The following SNX18 variants were observed in gnomAD, a reference collection of about 807,000 sequenced individuals.
SNX18 encodes sorting nexin 18, also known as sorting nexin-18.
Under a neutral mutation model 48.7 loss-of-function variants are expected in SNX18, and 35 were observed. That is an observed-to-expected ratio of 0.72 (90% CI 0.55 to 0.95). The LOEUF (loss-of-function observed/expected upper bound fraction) is 0.95. Among genes scored for constraint, SNX18 ranks in the 40% least tolerant of loss-of-function variants. The pLI is 0.00. For missense variants in SNX18, 824 were observed against 871.0 expected, an observed-to-expected ratio of 0.95 and a Z score of 0.68; for synonymous variants, 492 against 384.7, an observed-to-expected ratio of 1.28 and a Z score of -3.26.
At chr5:54,569,138 C>CA in the SNX18 span, among the ~76,000 whole-genome samples, 1 of 151,610 alleles carries the variant, frequency 6.6e-6, no homozygotes, top group African/African-American at 2.4e-5. Flanking sequence ...CCACCGCGCC[C>CA]AACCACATTT....
At chr5:54,566,665 T>C in the SNX18 span, among the ~76,000 whole-genome samples, 1,092 of 152,350 alleles carry the variant, frequency 7.2e-3, 6 homozygotes, top group Admixed American at 0.011. Context: ...TTCATGTATA[T>C]GTGCATTGTT....
chr5:54,581,285 A>G, the SNX18 span, among the ~76,000 whole-genome samples: 2 of 152,196 alleles, frequency 1.3e-5, no homozygotes, highest in Non-Finnish European at 2.9e-5. Context: ...ATGTGGTTCC[A>G]CTGTGTGGGA....
Position 54,519,407 on chromosome 5 carries a change from C to T in SNX18, c.1455C>T (p.Phe485=). The change falls in exon 1 of 2, where the codon TTC becomes TTT. Residue 485 remains phenylalanine, a synonymous_variant. Coordinates refer to ENST00000381410, the MANE Select transcript of SNX18 (RefSeq NM_001102575.2). The part of the protein sequence containing the change: ...SQAFELDQQA[F]SVGLNQAIAF... Reference sequence around the variant, plus strand: ...CCTTTGAGCTGGACCAGCAGGCCTTCTCGGTGGGCCTGAACCAGGCTATCG... The same window carrying T: ...CCTTTGAGCTGGACCAGCAGGCCTTTTCGGTGGGCCTGAACCAGGCTATCG... The T allele has an allele frequency of 3.7e-6, 6 of 1,613,652 alleles. No individual in the cohort carries two copies. The highest frequency in any genetic ancestry group is 5.1e-6 in the Non-Finnish European group (6 of 1,179,944).
At position 54,519,489 on chromosome 5, in the gene SNX18, C is replaced by G; in HGVS notation, c.1537C>G (p.Gln513Glu). 1 of 1,614,226 alleles carries G rather than the reference C, an allele frequency of 6.2e-7. No homozygotes were observed. Among genetic ancestry groups the G allele is most frequent in the Non-Finnish European group, 8.5e-7 (1 of 1,180,036 alleles). ...IGELFAEQPR[Q>E]DLDPVMDLLA... ...CGAGCTCTTCGCGGAGCAGCCCAGG[C>G]AGGACCTGGATCCCGTCATGGACCT... Residue 513 changes from glutamine to glutamate, a missense_variant, in exon 1 of 2, where the codon CAG becomes GAG. Gln to Glu is a conservative substitution (Grantham distance 29). Transcript: ENST00000381410.
chr5:54,575,909 T>G, the SNX18 span, among the ~76,000 whole-genome samples: 1 of 152,190 alleles, frequency 6.6e-6, no homozygotes, highest in African/African-American at 2.4e-5. Flanking sequence ...TCTTCTTATT[T>G]CTTCATAAAC....
At chr5:54,562,728 G>A in the SNX18 span, among the ~76,000 whole-genome samples, 5 of 152,152 alleles carry the variant, frequency 3.3e-5, no homozygotes, top group Admixed American at 6.5e-5. Context: ...TACGTTTTAT[G>A]GTTATTTTAG....
At chr5:54,616,600 T>C in the SNX18 span, among the ~76,000 whole-genome samples, 1 of 152,008 alleles carries the variant, frequency 6.6e-6, no homozygotes, top group Non-Finnish European at 1.5e-5. Context: ...AAACCCTGTG[T>C]CTACTAAAAA....
In SNX18 at chr5:54,521,341, A is replaced by G. The variant is rs950279695; in HGVS notation, c.1621+1768A>G. ...AAATGGCCTGCTTTTGAAATTATAT[A>G]TTAGAAAAGGTATGGTGTGTGTTCT... On this transcript the variant is annotated intron_variant, in intron 1 of 1. Coordinates refer to ENST00000381410, the MANE Select transcript of SNX18 (RefSeq NM_001102575.2). 5.3e-5 allele frequency among the ~76,000 whole-genome samples: 8 copies of G among 152,208 alleles called. No individual in the cohort carries two copies. The South Asian group carries it at 1.7e-3, about 31-fold the overall frequency.
rs1198632524 is a variant in SNX18, at chr5:54,543,507, A to G, written c.*75A>G. The G allele has an allele frequency of 6.6e-7, 1 of 1,521,024 alleles. No individual in the cohort carries two copies. Among genetic ancestry groups the G allele is most frequent in the Non-Finnish European group, 8.9e-7 (1 of 1,121,784 alleles). 94.2% of individuals were successfully genotyped at this position (1,521,024 alleles called of 1,614,324 possible). On this transcript the variant is annotated 3_prime_UTR_variant, in exon 2 of 2. Coordinates refer to ENST00000381410, the MANE Select transcript of SNX18 (RefSeq NM_001102575.2). ...AGCAGAATAAAAACTGCTGTCAAAG[A>G]GCTATTGCCAGCTATCAGTGGTGGT... is the stretch of plus-strand genomic sequence containing the variant.
chr5:54,544,044 G>A lies in SNX18; in HGVS notation c.*612G>A, dbSNP rs1227532415. On this transcript the variant is annotated 3_prime_UTR_variant, in exon 2 of 2. Coordinates refer to ENST00000381410, the MANE Select transcript of SNX18 (RefSeq NM_001102575.2). ...ATTGGCAGTAGGGGGTGGGGGGGGC[G>A]GTGGGGTGGGACGATCAGCTGTCAT... is the stretch of plus-strand genomic sequence containing the variant. 6 of 135,808 alleles carry A rather than the reference G, an allele frequency of 4.4e-5. No homozygotes were observed. The highest frequency in any genetic ancestry group is 2.1e-4 in the East Asian group (1 of 4,768). The allele number at this position is 135,808 out of a possible 1,614,324, so 8.4% of individuals were successfully genotyped here. A position where few individuals can be genotyped will look rare whatever the true frequency, so the allele number is the denominator to read the frequency against.
At chr5:54,588,306 C>CTTTATTTTTTTTT in the SNX18 span, among the ~76,000 whole-genome samples, 8 of 73,910 alleles carry the variant, frequency 1.1e-4, no homozygotes, top group Admixed American at 1.9e-4. Context: ...TATTTCTATT[C>CTTTATTTTTTTTT]TTTTTTTTTT....
chr5:54,608,062 A>G, the SNX18 span, among the ~76,000 whole-genome samples: 1 of 152,214 alleles, frequency 6.6e-6, no homozygotes, highest in Non-Finnish European at 1.5e-5. Flanking sequence ...GTCATATGGT[A>G]CTTACATAAT....
the SNX18 span, among the ~76,000 whole-genome samples, chr5:54,618,179 C>T: frequency 6.6e-6 from 1 of 152,162 alleles, no homozygotes; most frequent in African/African-American, 2.4e-5. Context: ...TCCCCCTTTG[C>T]TTGGCACTTC....
the SNX18 span, among the ~76,000 whole-genome samples, chr5:54,589,703 A>T: frequency 1.3e-5 from 2 of 152,170 alleles, no homozygotes; most frequent in Non-Finnish European, 2.9e-5. Context: ...GAAAGTGAAG[A>T]TGCTGCTCTA....
downstream of SNX18, among the ~76,000 whole-genome samples, chr5:54,551,445 C>T (rs1322460427): frequency 6.6e-6 from 1 of 152,346 alleles, no homozygotes; most frequent in South Asian, 2.1e-4. Flanking sequence ...CTTCTCTGCA[C>T]TCCGATCACT....
chr5:54,640,312 C>T, the SNX18 span, among the ~76,000 whole-genome samples: 1 of 151,946 alleles, frequency 6.6e-6, no homozygotes, highest in Non-Finnish European at 1.5e-5. Flanking sequence ...CTCCCAGGCT[C>T]AAGCGACTTT....
At chr5:54,635,687 G>A in the SNX18 span, among the ~76,000 whole-genome samples, 2 of 152,178 alleles carry the variant, frequency 1.3e-5, no homozygotes, top group Non-Finnish European at 2.9e-5. Flanking sequence ...CTTTCAGGAC[G>A]AGGTACTCAT....
At chr5:54,581,811 G>A in the SNX18 span, among the ~76,000 whole-genome samples, 1 of 152,262 alleles carries the variant, frequency 6.6e-6, no homozygotes, top group Non-Finnish European at 1.5e-5. Context: ...CCTAATCTCT[G>A]TTCAGTGAAT....
the SNX18 span, among the ~76,000 whole-genome samples, chr5:54,601,687 C>G: frequency 4.6e-5 from 7 of 152,066 alleles, no homozygotes; most frequent in African/African-American, 1.7e-4. Context: ...CCGAGGTTAT[C>G]GTCCCCATAG....
Sources: allele counts gnomAD v4.1 joint callset (sites outside exome capture counted in the v4.1 genomes callset), GRCh38; gene constraint gnomAD v4.1.1; transcripts MANE v1.5; gene names NCBI Gene and HGNC (gene_info 2026-07-23, HGNC 2026-07-21).